The following STX16 variants were observed in gnomAD, a reference collection of about 807,000 sequenced individuals.
The protein encoded by STX16 is syntaxin-16.
STX16 carries 28 observed loss-of-function variants against 42.7 expected under a neutral mutation model. The ratio of observed to expected loss-of-function variants is 0.66; its 90% CI spans 0.49 to 0.90. STX16 has a LOEUF of 0.90. Among genes scored for constraint, STX16 ranks in the 40% least tolerant of loss-of-function variants. The probability of loss-of-function intolerance (pLI) is 0.00; values close to 1 mark genes in which losing one functional copy is unlikely to be tolerated. For synonymous variants in STX16, 156 were observed against 155.2 expected (o/e 1.00, Z -0.04); for missense variants, 361 against 420.9 (o/e 0.86, Z 1.24).
chr20:58,669,585 C>T (rs1018079935), intron 5 of STX16, 132 bp downstream of exon 5: 3 of 1,126,008 alleles, frequency 2.7e-6, no homozygotes, highest in African/African-American at 3.2e-5. Flanking sequence ...ATACCTTGTA[C>T]AGTAAAGGGA....
rs1216361537 is a variant in STX16, at chr20:58,677,326, A to G, written c.*1035A>G. The G allele has an allele frequency of 6.6e-6, 1 of 152,642 alleles. No homozygotes were observed. Among genetic ancestry groups the G allele is most frequent in the Non-Finnish European group, 1.5e-5 (1 of 68,040 alleles). 9.5% of individuals were successfully genotyped at this position (152,642 alleles called of 1,614,324 possible). A position where few individuals can be genotyped will look rare whatever the true frequency, so the allele number is the denominator to read the frequency against. On this transcript the variant is annotated 3_prime_UTR_variant, in exon 9 of 9. Transcript: ENST00000371141. ...CAAACATCACTCCATTTCAAAGTAA[A>G]ATATTCCACCAGCGATTTGATTTAT...
rs56003308 is a variant in STX16, at chr20:58,677,543, G to T, written c.*1252G>T. Reference sequence around the variant, plus strand: ...CTATAACTGTAGAACAGTGTGGAAAGTGATGGTAACTTTGAAGTTGTTCAT... The same window carrying T: ...CTATAACTGTAGAACAGTGTGGAAATTGATGGTAACTTTGAAGTTGTTCAT... On this transcript the variant is annotated 3_prime_UTR_variant, in exon 9 of 9. Coordinates refer to ENST00000371141, the MANE Select transcript of STX16 (RefSeq NM_001001433.3). 1 of 152,334 alleles carries T rather than the reference G, an allele frequency of 6.6e-6. No homozygotes were observed. The highest frequency in any genetic ancestry group is 1.5e-5 in the Non-Finnish European group (1 of 68,026). 9.4% of individuals were successfully genotyped at this position (152,334 alleles called of 1,614,324 possible).
rs2084151288 is a variant in STX16 at position 58,677,215 on chromosome 20, ACT to A, written c.*927_*928del. 1 of 152,686 alleles carries A rather than the reference ACT, an allele frequency of 6.5e-6. No homozygotes were observed. The highest frequency in any genetic ancestry group is 2.4e-5 in the African/African-American group (1 of 41,544). The allele number at this position is 152,686 out of a possible 1,614,324, so 9.5% of individuals were successfully genotyped here. On this transcript the variant is annotated 3_prime_UTR_variant, in exon 9 of 9. Coordinates refer to ENST00000371141, the MANE Select transcript of STX16 (RefSeq NM_001001433.3). ...CTACATAATGACCTGTTCAAACCAG[ACT>A]CTATTTAATGAACTGTGAATTTACA... is the stretch of plus-strand genomic sequence containing the variant.
chr20:58,668,191 G>C, intron 4 of STX16, 64 bp downstream of exon 4: 1 of 1,589,608 alleles, frequency 6.3e-7, no homozygotes, highest in Non-Finnish European at 8.6e-7. Flanking sequence ...TCAGAAACTA[G>C]AGTGTTACTC....
rs568109792 is a variant in STX16, at chr20:58,666,684, C to T, written c.145-806C>T. The stretch of plus-strand genomic sequence containing the variant: ...CCTCAGATGATCTGCCCGCCTTGGC[C>T]TCCCAAAGTTCTGGGATTACAGGCG... On this transcript the variant is annotated intron_variant, in intron 2 of 8. Coordinates refer to ENST00000371141, the MANE Select transcript of STX16 (RefSeq NM_001001433.3). Among the ~76,000 whole-genome samples, 5 of 152,298 alleles carry T rather than the reference C, an allele frequency of 3.3e-5. No individual in the cohort carries two copies. In the East Asian group the frequency reaches 9.7e-4, roughly 29 times the overall value.
At chr20:58,672,498 TA>T (rs984496280) in intron 7 of STX16, among the ~76,000 whole-genome samples, 16 of 149,350 alleles carry the variant, frequency 1.1e-4, no homozygotes, top group East Asian at 5.8e-4. Context: ...TTCCAAAATC[TA>T]AAAAAAAAAT....
chr20:58,668,294 G>C (rs1325142369), intron 4 of STX16, among the ~76,000 whole-genome samples, 167 bp downstream of exon 4: 1 of 152,258 alleles, frequency 6.6e-6, no homozygotes, highest in Non-Finnish European at 1.5e-5. Flanking sequence ...GTAGGTACCT[G>C]TGAGGCCTTG....
intron 2 of STX16, among the ~76,000 whole-genome samples, chr20:58,663,628 T>TA (rs1355317662): frequency 1.3e-5 from 2 of 151,522 alleles, no homozygotes; most frequent in Middle Eastern, 3.4e-3. Flanking sequence ...AATTTTTATT[T>TA]AAAAAATATG....
chr20:58,669,515 T>C (rs2083921082), intron 5 of STX16, 62 bp downstream of exon 5: 1 of 1,536,074 alleles, frequency 6.5e-7, no homozygotes, highest in African/African-American at 1.4e-5. Context: ...ATGTTTTCTT[T>C]TTTGCCACTA....
At chr20:58,663,197 A>G (rs77160728) in intron 2 of STX16, among the ~76,000 whole-genome samples, 2,393 of 152,216 alleles carry the variant, frequency 0.016, 57 homozygotes, top group African/African-American at 0.054. Context: ...TTAGATGGGG[A>G]GGAGGTGTAG....
chr20:58,670,556 T>A lies in STX16; in HGVS notation c.601T>A (p.Ser201Thr), dbSNP rs2083943438. ...AAGATCCCAGCATTTTTTCGACACA[T>A]CAGTACCACTAATGGATGATGGAGA... Reference protein sequence around the residue: ...EERSQHFFDTSVPLMDDGDDN... With the variant: ...EERSQHFFDTTVPLMDDGDDN... The change falls in exon 6 of 9, where the codon TCA (serine) becomes ACA (threonine). Residue 201 changes from serine (S) to threonine (T), a missense_variant. By Grantham distance (58) the Ser-to-Thr change is moderately conservative (BLOSUM62 1). Coordinates refer to ENST00000371141, the MANE Select transcript of STX16 (RefSeq NM_001001433.3). The A allele has an allele frequency of 6.2e-7, 1 of 1,614,006 alleles. No individual in the cohort carries two copies. Among genetic ancestry groups the A allele is most frequent in the Non-Finnish European group, 8.5e-7 (1 of 1,180,016 alleles).
chr20:58,661,113 T>C (rs1601007706), intron 2 of STX16, among the ~76,000 whole-genome samples: 1 of 152,246 alleles, frequency 6.6e-6, no homozygotes, highest in East Asian at 1.9e-4. Flanking sequence ...AAAATAGATG[T>C]TGCTACTGGC....
In STX16 at chr20:58,676,829, C is replaced by T. The variant is rs1161847945; in HGVS notation, c.*538C>T. 3 of 152,590 alleles carry T rather than the reference C, an allele frequency of 2.0e-5. No individual in the cohort carries two copies. Among genetic ancestry groups the T allele is most frequent in the Non-Finnish European group, 2.9e-5 (2 of 68,052 alleles). The allele number at this position is 152,590 out of a possible 1,614,324, so 9.5% of individuals were successfully genotyped here. ...AGAAGTCCTTTAAGAATTTATAATCCGTTCCCCATTAACTTAATTTAGCTT... is the reference window on the plus strand; with the variant it reads ...AGAAGTCCTTTAAGAATTTATAATCTGTTCCCCATTAACTTAATTTAGCTT... On this transcript the variant is annotated 3_prime_UTR_variant, in exon 9 of 9. Transcript: ENST00000371141.
chr20:58,660,713 CT>C (rs10706096), intron 2 of STX16, among the ~76,000 whole-genome samples: 5,626 of 70,602 alleles, frequency 0.08, 198 homozygotes, highest in African/African-American at 0.19. Context: ...ATTCCTGCTC[CT>C]TTTTTTTTTT....
intron 8 of STX16, among the ~76,000 whole-genome samples, chr20:58,674,303 TAAAA>T (rs1242391574): frequency 1.3e-5 from 2 of 152,154 alleles, no homozygotes; most frequent in African/African-American, 4.8e-5. Flanking sequence ...TATTCTCTTT[TAAAA>T]AAATAGATGG....
At chr20:58,664,766 C>G (rs987265886) in intron 2 of STX16, among the ~76,000 whole-genome samples, 1 of 152,214 alleles carries the variant, frequency 6.6e-6, no homozygotes, top group Non-Finnish European at 1.5e-5. Flanking sequence ...GATACCATCT[C>G]TCTGTCTTCT....
intron 6 of STX16, among the ~76,000 whole-genome samples, chr20:58,670,880 C>CG (rs2083953042): frequency 1.3e-5 from 2 of 152,116 alleles, no homozygotes; most frequent in East Asian, 3.8e-4. Context: ...AGGGCTATCC[C>CG]GGGGGTTTTG....
At chr20:58,666,649 G>A (rs1249045517) in intron 2 of STX16, among the ~76,000 whole-genome samples, 2 of 152,034 alleles carry the variant, frequency 1.3e-5, no homozygotes, top group Admixed American at 6.6e-5. Flanking sequence ...GGCTACTCTC[G>A]AACTCCTGAC....
At chr20:58,655,513 A>G (rs2083566650) in intron 1 of STX16, among the ~76,000 whole-genome samples, 1 of 152,242 alleles carries the variant, frequency 6.6e-6, no homozygotes, top group African/African-American at 2.4e-5. Flanking sequence ...AAGGGCCAGA[A>G]GGAACCTAAA....
Sources: gnomAD v4.1 joint callset for allele counts (sites outside exome capture counted in the v4.1 genomes callset) on GRCh38, gnomAD v4.1.1 for gene constraint, MANE v1.5 for transcripts, NCBI Gene and HGNC (gene_info 2026-07-23, HGNC 2026-07-21) for gene names.